Variants in SPATA16 observed in about 807,000 individuals in gnomAD.
SPATA16 encodes the protein spermatogenesis associated 16.
Under a neutral mutation model 63.3 loss-of-function variants are expected in SPATA16, and 36 were observed. The ratio of observed to expected loss-of-function variants is 0.57; its 90% CI spans 0.44 to 0.75. SPATA16 has a LOEUF of 0.75. SPATA16 is among the 30% of genes least tolerant of loss of function. The pLI is 0.00. For missense variants in SPATA16, 646 were observed against 679.3 expected (o/e 0.95, Z 0.54); for synonymous variants, 203 against 216.7 (o/e 0.94, Z 0.56).
chr3:173,100,865 C>G (rs1326043568), intron 2 of SPATA16, among the ~76,000 whole-genome samples: 1 of 152,028 alleles, frequency 6.6e-6, no homozygotes, highest in African/African-American at 2.4e-5. Context: ...TTTCAAATAT[C>G]AACAACAAGA....
At chr3:172,998,997 T>G (rs1465062551) in intron 4 of SPATA16, among the ~76,000 whole-genome samples, 3 of 152,188 alleles carry the variant, frequency 2.0e-5, no homozygotes, top group Non-Finnish European at 4.4e-5. Flanking sequence ...TAGGCAATTT[T>G]TTTTTTCTTG....
At chr3:173,135,725 A>G (rs1308619465) in intron 1 of SPATA16, among the ~76,000 whole-genome samples, 1 of 152,200 alleles carries the variant, frequency 6.6e-6, no homozygotes, top group Admixed American at 6.6e-5. Flanking sequence ...TAAAGATTAA[A>G]TTTAGGCAAA....
intron 2 of SPATA16, among the ~76,000 whole-genome samples, chr3:173,116,408 G>T (rs1293474485): frequency 1.3e-5 from 2 of 152,076 alleles, no homozygotes; most frequent in Non-Finnish European, 2.9e-5. Flanking sequence ...CATACAGTTT[G>T]GTCCTTCTAT....
chr3:173,110,718 G>A (rs1737730957), intron 2 of SPATA16, among the ~76,000 whole-genome samples: 1 of 152,170 alleles, frequency 6.6e-6, no homozygotes, highest in African/African-American at 2.4e-5. Flanking sequence ...TAGCATCAGC[G>A]CAGCATCAAA....
chr3:173,140,996 T>C (rs1008251061), intron 1 of SPATA16, 107 bp downstream of exon 1: 2 of 152,270 alleles, frequency 1.3e-5, no homozygotes, highest in African/African-American at 4.8e-5. Flanking sequence ...AGCTCCTGTT[T>C]TCCCAGCTTA....
At chr3:172,890,551 G>A (rs1020526404) in intron 10 of SPATA16, among the ~76,000 whole-genome samples, 7 of 152,056 alleles carry the variant, frequency 4.6e-5, no homozygotes, top group Non-Finnish European at 7.4e-5. Context: ...GTACATGAAC[G>A]TATCATCACT....
chr3:172,964,453 A>T (rs1733861958), intron 5 of SPATA16, among the ~76,000 whole-genome samples: 1 of 152,154 alleles, frequency 6.6e-6, no homozygotes, highest in Non-Finnish European at 1.5e-5. Context: ...GATGCCACAG[A>T]GCTTTTATTC....
At chr3:173,007,703 G>T (rs1024788861) in intron 4 of SPATA16, among the ~76,000 whole-genome samples, 1 of 151,868 alleles carries the variant, frequency 6.6e-6, no homozygotes, top group Non-Finnish European at 1.5e-5. Flanking sequence ...AAATGAAAAG[G>T]AGAAGAGACC....
intron 3 of SPATA16, among the ~76,000 whole-genome samples, chr3:173,021,334 C>T (rs1735326867): frequency 6.6e-6 from 1 of 152,112 alleles, no homozygotes. Flanking sequence ...ACTGCCTTTC[C>T]TATGGTGATT....
intron 10 of SPATA16, among the ~76,000 whole-genome samples, chr3:172,909,302 G>A (rs1054397780): frequency 1.5e-4 from 23 of 152,180 alleles, no homozygotes; most frequent in Admixed American, 2.0e-4. Flanking sequence ...CCTTCATTGA[G>A]AGGAGGTGGA....
At chr3:172,952,050 T>C in intron 6 of SPATA16, among the ~76,000 whole-genome samples, 1 of 152,214 alleles carries the variant, frequency 6.6e-6, no homozygotes, top group East Asian at 1.9e-4. Flanking sequence ...GGAGCATCAG[T>C]GTCTCTCTGG....
chr3:173,057,693 G>T (rs1736269930), intron 2 of SPATA16, among the ~76,000 whole-genome samples: 2 of 152,280 alleles, frequency 1.3e-5, no homozygotes, highest in South Asian at 4.1e-4. Flanking sequence ...ACGCACCAGA[G>T]CCACACAGTA....
chr3:172,948,008 A>C (rs1234333525), intron 6 of SPATA16, among the ~76,000 whole-genome samples: 6 of 151,826 alleles, frequency 4.0e-5, no homozygotes, highest in Non-Finnish European at 7.4e-5. Context: ...CAAAAGTACA[A>C]ATATAAGAGT....
At chr3:172,989,168 A>T (rs998241576) in intron 4 of SPATA16, among the ~76,000 whole-genome samples, 1 of 152,160 alleles carries the variant, frequency 6.6e-6, no homozygotes, top group Non-Finnish European at 1.5e-5. Flanking sequence ...TCAGGACAGT[A>T]TTATAGGATT....
chr3:173,038,808 G>C (rs1267704500), intron 3 of SPATA16, among the ~76,000 whole-genome samples: 1 of 152,160 alleles, frequency 6.6e-6, no homozygotes, highest in Non-Finnish European at 1.5e-5. Flanking sequence ...TGACATTAAG[G>C]CTGAAATTTG....
intron 4 of SPATA16, among the ~76,000 whole-genome samples, chr3:173,004,801 C>T (rs1240663159): frequency 1.3e-5 from 2 of 152,144 alleles, no homozygotes; most frequent in Non-Finnish European, 2.9e-5. Context: ...CTCATTTAAT[C>T]CTCATAACCT....
rs569055799 is a variant in SPATA16 at position 173,123,593 on chromosome 3, G to A, written c.-18-5844C>T. ...TATGTGAATCAAATTTGTTAAGAAA[G>A]GTATTAGATTTTTTTTTTTTTTTTT... On this transcript the variant is annotated intron_variant, in intron 1 of 10. Transcript: ENST00000351008. Among the ~76,000 whole-genome samples, 199 of 151,292 alleles carry A rather than the reference G, an allele frequency of 1.3e-3. 1 individual carries two copies. The highest frequency in any genetic ancestry group is 4.6e-3 in the African/African-American group (189 of 41,146).
In SPATA16 at chr3:172,956,715, G is replaced by T. The variant is rs200673599; in HGVS notation, c.1043C>A (p.Thr348Lys). The T allele has an allele frequency of 6.2e-7, 1 of 1,612,702 alleles. No homozygotes were observed. The highest frequency in any genetic ancestry group is 1.1e-5 in the South Asian group (1 of 91,046). Residue 348 changes from threonine to lysine, a missense_variant, in exon 6 of 11, where the codon ACA becomes AAA. Thr to Lys is a moderately conservative substitution (Grantham distance 78). Coordinates refer to ENST00000351008, the MANE Select transcript of SPATA16 (RefSeq NM_031955.6). ...CTCTGCATATGCAGGATGAGTTTTT[G>T]TGAAAGCATCTTTTACTTTTTCTAT... ...DKIEKVKDAF[T>K]KTHPAYAEYM...
chr3:173,030,426 T>C (rs116214825), intron 3 of SPATA16, among the ~76,000 whole-genome samples: 2,485 of 152,040 alleles, frequency 0.016, 72 homozygotes, highest in African/African-American at 0.057. Flanking sequence ...AGAACTTTAA[T>C]AGACATTTTT....
Sources: allele counts gnomAD v4.1 joint callset (sites outside exome capture counted in the v4.1 genomes callset), GRCh38; gene constraint gnomAD v4.1.1; transcripts MANE v1.5; gene names NCBI Gene and HGNC (gene_info 2026-07-23, HGNC 2026-07-21).